STON2: variants seen among roughly 807,000 people sequenced by gnomAD.
STON2 encodes stonin-2.
A neutral mutation model predicts 65.7 loss-of-function variants in STON2; 29 were observed. That is an observed-to-expected ratio of 0.44 (90% confidence interval 0.33 to 0.60). STON2 has a LOEUF of 0.60. Ranked by LOEUF, STON2 falls within the 20% of genes least tolerant of loss-of-function variation. The probability of loss-of-function intolerance (pLI) is 0.03; values close to 1 mark genes in which losing one functional copy is unlikely to be tolerated. For missense variants in STON2, 1,054 were observed against 1,118.1 expected (o/e 0.94, Z 0.82); for synonymous variants, 404 against 414.2 (o/e 0.98, Z 0.30).
chr14:81,342,800 G>A (rs1228366176), intron 4 of STON2, among the ~76,000 whole-genome samples: 1 of 152,178 alleles, frequency 6.6e-6, no homozygotes, highest in Non-Finnish European at 1.5e-5. Flanking sequence ...AAGCCAGAGA[G>A]CGCCAGAACA....
intron 3 of STON2, among the ~76,000 whole-genome samples, chr14:81,394,701 C>T (rs1450563767): frequency 3.9e-5 from 6 of 152,138 alleles, no homozygotes; most frequent in Non-Finnish European, 8.8e-5. Flanking sequence ...AGAGATGCCA[C>T]ATTCCTGGCT....
chr14:81,377,851 G>A (rs1275773305), intron 3 of STON2, among the ~76,000 whole-genome samples: 5 of 143,404 alleles, frequency 3.5e-5, no homozygotes, highest in African/African-American at 1.3e-4. Flanking sequence ...TCATTTTTTT[G>A]TTTTTTTTTT....
In STON2 at chr14:81,361,880, T is replaced by C. The variant is rs538852213; in HGVS notation, c.571+9108A>G. ...AGAAGACATACAAAAGACTAACAAA[T>C]ATATATATAATACTCAACATCATTA... On this transcript the variant is annotated intron_variant, in intron 4 of 7. Transcript: ENST00000614646. 2.0e-5 allele frequency among the ~76,000 whole-genome samples: 3 copies of C among 152,018 alleles called. No homozygotes were observed. In the East Asian group the frequency reaches 5.8e-4, roughly 29 times the overall value.
intron 3 of STON2, among the ~76,000 whole-genome samples, chr14:81,386,740 A>G (rs1899825847): frequency 6.6e-6 from 1 of 152,242 alleles, no homozygotes; most frequent in Non-Finnish European, 1.5e-5. Flanking sequence ...GAAGGTCAGC[A>G]TATGAGTGAA....
chr14:81,315,068 C>G (rs1413240136), intron 5 of STON2, among the ~76,000 whole-genome samples: 1 of 152,168 alleles, frequency 6.6e-6, no homozygotes, highest in Non-Finnish European at 1.5e-5. Context: ...AACGAAGATA[C>G]AGAGTTGGTT....
At position 81,264,352 on chromosome 14, in the gene STON2, G is replaced by C. The variant is rs76154854; in HGVS notation, c.*4062C>G. The C allele has an allele frequency of 1.0e-6, 1 of 985,334 alleles. No individual in the cohort carries two copies. Among genetic ancestry groups the C allele is most frequent in the Non-Finnish European group, 1.2e-6 (1 of 829,938 alleles). The allele number at this position is 985,334 out of a possible 1,614,324, so 61.0% of individuals were successfully genotyped here. ...AGCATGCTTGCTGGCTTTATTATGA[G>C]TATTTGATGATAAGTAAGGGTTAAG... On this transcript the variant is annotated 3_prime_UTR_variant, in exon 8 of 8. Transcript: ENST00000614646.
intron 2 of STON2, 125 bp from the exon 3 acceptor site, chr14:81,396,303 G>T: frequency 1.2e-6 from 1 of 825,676 alleles, no homozygotes; most frequent in Non-Finnish European, 1.9e-6. Flanking sequence ...TGAGTGGGGA[G>T]AAGAAAGAGC....
intron 5 of STON2, among the ~76,000 whole-genome samples, chr14:81,312,796 A>G (rs1330391859): frequency 6.6e-6 from 1 of 152,256 alleles, no homozygotes; most frequent in Non-Finnish European, 1.5e-5. Flanking sequence ...AAAACTGGTA[A>G]TTTTTTGAAA....
chr14:81,350,849 G>A (rs1897997927), intron 4 of STON2, among the ~76,000 whole-genome samples: 1 of 152,168 alleles, frequency 6.6e-6, no homozygotes, highest in African/African-American at 2.4e-5. Context: ...GATGTCCACT[G>A]ATACTTTGTT....
At chr14:81,270,561 G>A (rs1483841316) in intron 7 of STON2, 109 bp downstream of exon 7, 4 of 1,601,316 alleles carry the variant, frequency 2.5e-6, no homozygotes, top group Admixed American at 3.4e-5. Context: ...AAGGCAGTAA[G>A]AGGTTACCAG....
rs1894984156 is a variant in STON2 at position 81,278,711 on chromosome 14, T to C, written c.771A>G (p.Glu257=). The C allele has an allele frequency of 6.6e-7, 1 of 1,518,570 alleles. No homozygotes were observed. The highest frequency in any genetic ancestry group is 8.8e-7 in the Non-Finnish European group (1 of 1,136,018). The allele number at this position is 1,518,570 out of a possible 1,614,324, so 94.1% of individuals were successfully genotyped here. The change falls in exon 6 of 8, where the codon GAA becomes GAG. Residue 257 remains glutamate (E), a synonymous_variant. Coordinates refer to ENST00000614646, the MANE Select transcript of STON2 (RefSeq NM_001394390.1). ...AGCTGATGGCCTCCATCTCTACTTC[T>C]TCATCTTCTTGAAGCGAGGAGGAAT... The part of the protein sequence containing the change: ...NDNSSSLQED[E]EVEMEAISWQ...
At chr14:81,416,585 T>C (rs1901447174) in intron 2 of STON2, among the ~76,000 whole-genome samples, 1 of 152,214 alleles carries the variant, frequency 6.6e-6, no homozygotes, top group African/African-American at 2.4e-5. Flanking sequence ...CCACACAGTC[T>C]GTGCAGTGGA....
intron 4 of STON2, among the ~76,000 whole-genome samples, chr14:81,361,835 C>T (rs1215774122): frequency 1.3e-5 from 2 of 151,866 alleles, no homozygotes; most frequent in Admixed American, 6.6e-5. Flanking sequence ...AAGCAAAGGA[C>T]CTGAATGACA....
rs59730707 is a variant in STON2 at position 81,306,220 on chromosome 14, CTTT to C, written c.742+17794_742+17796del. ...TTATATATACACACACATACATACT[CTTT>C]TTTTTTTTTTTTTTTTTTTTTTTTG... On this transcript the variant is annotated intron_variant, in intron 5 of 7. Coordinates refer to ENST00000614646, the MANE Select transcript of STON2 (RefSeq NM_001394390.1). Among the ~76,000 whole-genome samples, 259 of 69,514 alleles carry C rather than the reference CTTT, an allele frequency of 3.7e-3. 16 individuals carry two copies. Among genetic ancestry groups the C allele is most frequent in the African/African-American group, 0.014 (236 of 16,682 alleles). 45.6% of individuals were successfully genotyped at this position (69,514 alleles called of 152,430 possible).
At chr14:81,337,449 A>G (rs192805220) in intron 4 of STON2, among the ~76,000 whole-genome samples, 1 of 152,306 alleles carries the variant, frequency 6.6e-6, no homozygotes, top group African/African-American at 2.4e-5. Context: ...AAATCAGACA[A>G]ATCATTTCAA....
chr14:81,431,056 C>T (rs916219558), intron 1 of STON2, among the ~76,000 whole-genome samples: 2 of 152,114 alleles, frequency 1.3e-5, no homozygotes, highest in African/African-American at 2.4e-5. Flanking sequence ...AAGGCAGTAC[C>T]GAGGCCACAG....
intron 5 of STON2, among the ~76,000 whole-genome samples, chr14:81,307,397 A>G (rs1004686543): frequency 6.6e-6 from 1 of 152,214 alleles, no homozygotes; most frequent in Admixed American, 6.5e-5. Flanking sequence ...ACTCAAAGCT[A>G]GTGAGTAAAT....
intron 5 of STON2, among the ~76,000 whole-genome samples, chr14:81,296,711 C>T (rs576937190): frequency 6.6e-6 from 1 of 152,286 alleles, no homozygotes; most frequent in South Asian, 2.1e-4. Flanking sequence ...CAGAGGGTTG[C>T]TTCCTCAAAG....
chr14:81,270,142 C>T (rs1045011163), intron 7 of STON2: 2 of 703,882 alleles, frequency 2.8e-6, no homozygotes, highest in Non-Finnish European at 3.5e-6. Flanking sequence ...GGCTGGAGTA[C>T]AGTGGTGCAA....
Sources: allele counts gnomAD v4.1 joint callset (sites outside exome capture counted in the v4.1 genomes callset), GRCh38; gene constraint gnomAD v4.1.1; transcripts MANE v1.5; gene names NCBI Gene and HGNC (gene_info 2026-07-23, HGNC 2026-07-21).